Variants in PIEZO1 observed in about 807,000 individuals in gnomAD.
PIEZO1 encodes the protein piezo type mechanosensitive ion channel component 1 (Er blood group).
Under a neutral mutation model 297.2 loss-of-function variants are expected in PIEZO1, and 296 were observed. The ratio of observed to expected loss-of-function variants is 1.00; its 90% CI spans 0.91 to 1.10. The LOEUF (loss-of-function observed/expected upper bound fraction) is 1.10. PIEZO1 is among the 50% of genes least tolerant of loss of function. The pLI is 0.00. For missense variants in PIEZO1, 5,018 were observed against 3,455.5 expected, an observed-to-expected ratio of 1.45 and a Z score of -11.34; for synonymous variants, 2,427 against 1,507.5, an observed-to-expected ratio of 1.61 and a Z score of -14.13.
Position 88,731,885 on chromosome 16 carries a change from A to T in PIEZO1, c.3017T>A (p.Val1006Glu), listed in dbSNP as rs1436764571. 3 of 623,336 alleles carry T rather than the reference A, an allele frequency of 4.8e-6. No individual in the cohort carries two copies. The highest frequency in any genetic ancestry group is 5.8e-6 in the Non-Finnish European group (3 of 514,158). 38.6% of individuals were successfully genotyped at this position (623,336 alleles called of 1,614,324 possible). A position where few individuals can be genotyped will look rare whatever the true frequency, so the allele number is the denominator to read the frequency against. The change falls in exon 22 of 51, where the codon GTG (valine) becomes GAG (glutamate). Residue 1006 changes from valine (V) to glutamate (E), a missense_variant. Physicochemically the swap from Val to Glu is moderately radical, Grantham distance 121. Coordinates refer to ENST00000301015, the MANE Select transcript of PIEZO1 (RefSeq NM_001142864.4). ...LEICFLMAVN[V>E]IGQRMNFLVT... ...CAGAAAGTTCATGCGCTGCCCGATCACGTTCACGGCCATCAGGAAGCAGAT... is the reference window on the plus strand; with the variant it reads ...CAGAAAGTTCATGCGCTGCCCGATCTCGTTCACGGCCATCAGGAAGCAGAT...
In PIEZO1 at chr16:88,723,258, G is replaced by C. The variant is rs1567663475; in HGVS notation, c.4406C>G (p.Ala1469Gly). The C allele has an allele frequency of 6.5e-7, 1 of 1,544,484 alleles. No individual in the cohort carries two copies. The highest frequency in any genetic ancestry group is 1.2e-5 in the South Asian group (1 of 84,058). ...LRRRQQEQEQ[A>G]RQEQAGQLPT... ...TAGCTGTCCTGCCTGTTCCTGCCTT[G>C]CCTGCTCCTGCTCCTGCTGCCGCCG... The change falls in exon 32 of 51, where the codon GCA (alanine) becomes GGA (glycine). Residue 1469 changes from alanine to glycine, a missense_variant. Transcript: ENST00000301015.
rs958476496 is a variant in PIEZO1 at position 88,716,745 on chromosome 16, A to G, written c.6754-14T>C. On this transcript the variant is annotated splice_polypyrimidine_tract_variant and intron_variant, in intron 46 of 50. Transcript: ENST00000301015. Reference sequence around the variant, plus strand: ...CTGCATGGCCAGCTGGGTACAAGTGACACCCTCAGTGACTGCAGCCGCCTC... The same window carrying G: ...CTGCATGGCCAGCTGGGTACAAGTGGCACCCTCAGTGACTGCAGCCGCCTC... 3.6e-5 allele frequency: 56 copies of G among 1,548,210 alleles called. No individual in the cohort carries two copies. The highest frequency in any genetic ancestry group is 4.5e-5 in the Non-Finnish European group (52 of 1,146,820).
intron 44 of PIEZO1, 135 bp downstream of exon 44, chr16:88,719,439 C>G: frequency 1.3e-6 from 1 of 765,538 alleles, no homozygotes. Flanking sequence ...TGGGTGGGCT[C>G]GCCTCATGTC....
chr16:88,717,235 T>A, intron 44 of PIEZO1, 24 bp from the exon 45 acceptor site: 1 of 1,539,778 alleles, frequency 6.5e-7, no homozygotes, highest in Non-Finnish European at 8.7e-7. Flanking sequence ...ACACAGGTCA[T>A]ACGCTCAGCT....
chr16:88,720,893 G>A (rs565626381), intron 39 of PIEZO1, 145 bp from the exon 40 acceptor site: 1 of 1,041,396 alleles, frequency 9.6e-7, no homozygotes, highest in Non-Finnish European at 1.3e-6. Flanking sequence ...CACTGGCAAG[G>A]AGACAGCTGG....
chr16:88,762,294 C>T (rs564758652), intron 1 of PIEZO1, among the ~76,000 whole-genome samples: 31 of 152,178 alleles, frequency 2.0e-4, no homozygotes, highest in African/African-American at 5.1e-4. Flanking sequence ...CTCAGAGGGG[C>T]GGTGACAAAG....
chr16:88,755,598 G>A (rs980486766), intron 1 of PIEZO1, among the ~76,000 whole-genome samples: 2 of 152,234 alleles, frequency 1.3e-5, no homozygotes, highest in South Asian at 2.1e-4. Flanking sequence ...GTAAATAGGC[G>A]GGTACCAACA....
chr16:88,756,851 C>T (rs1183797143), intron 1 of PIEZO1, among the ~76,000 whole-genome samples: 1 of 151,986 alleles, frequency 6.6e-6, no homozygotes, highest in Non-Finnish European at 1.5e-5. Flanking sequence ...CCGAGGCGGG[C>T]AGATCAGAAG....
In PIEZO1 at chr16:88,731,899, C is replaced by G. The variant is rs1904841846; in HGVS notation, c.3003G>C (p.Leu1001=). The G allele has an allele frequency of 1.3e-6, 1 of 745,626 alleles. No homozygotes were observed. Among genetic ancestry groups the G allele is most frequent in the Non-Finnish European group, 1.6e-6 (1 of 607,382 alleles). The allele number at this position is 745,626 out of a possible 1,614,324, so 46.2% of individuals were successfully genotyped here. A position where few individuals can be genotyped will look rare whatever the true frequency, so the allele number is the denominator to read the frequency against. The change falls in exon 22 of 51, where the codon CTG becomes CTC. Residue 1001 remains leucine, a synonymous_variant. Transcript: ENST00000301015. ...FYKFGLEICF[L]MAVNVIGQRM... Reference sequence around the variant, plus strand: ...GCTGCCCGATCACGTTCACGGCCATCAGGAAGCAGATCTGGGGAGGGGAGA... The same window carrying G: ...GCTGCCCGATCACGTTCACGGCCATGAGGAAGCAGATCTGGGGAGGGGAGA...
intron 1 of PIEZO1, among the ~76,000 whole-genome samples, chr16:88,751,865 C>A (rs1906406845): frequency 1.3e-5 from 2 of 152,198 alleles, no homozygotes; most frequent in Non-Finnish European, 1.5e-5. Context: ...GCCGTCCATG[C>A]ATCCGTCAGA....
In PIEZO1 at chr16:88,721,383, A is replaced by C; in HGVS notation, c.5451T>G (p.His1817Gln). 25 of 1,549,376 alleles carry C rather than the reference A, an allele frequency of 1.6e-5. No individual in the cohort carries two copies. The highest frequency in any genetic ancestry group is 2.2e-5 in the Non-Finnish European group (25 of 1,146,756). ...CCTGCTCCTCCTCGCCGCTCTTGTCATGCTCCTTGGATGGTGAGTCCTCCT... is the reference window on the plus strand; with the variant it reads ...CCTGCTCCTCCTCGCCGCTCTTGTCCTGCTCCTTGGATGGTGAGTCCTCCT... ...DHEEDSPSKE[H>Q]DKSGEEEQGA... Residue 1817 changes from histidine (H) to glutamine (Q), a missense_variant, in exon 39 of 51, where the codon CAT becomes CAG. Physicochemically the swap from His to Gln is conservative, Grantham distance 24 (BLOSUM62 0). Coordinates refer to ENST00000301015, the MANE Select transcript of PIEZO1 (RefSeq NM_001142864.4).
Position 88,725,299 on chromosome 16 carries a change from A to G in PIEZO1, c.4162+117T>C, listed in dbSNP as rs8050515. ...CCAGACAGAGGGTGATCATGCGGACAGGACAGGCGGGCTGGGAGCCCTGTG... is the reference window on the plus strand; with the variant it reads ...CCAGACAGAGGGTGATCATGCGGACGGGACAGGCGGGCTGGGAGCCCTGTG... On this transcript the variant is annotated intron_variant, in intron 29 of 50. Transcript: ENST00000301015. The G allele has an allele frequency of 0.22, 160,594 of 722,714 alleles. 21,984 individuals carry two copies. The highest frequency in any genetic ancestry group is 0.62 in the East Asian group (21,545 of 34,600). The allele number at this position is 722,714 out of a possible 1,614,324, so 44.8% of individuals were successfully genotyped here. A position where few individuals can be genotyped will look rare whatever the true frequency, so the allele number is the denominator to read the frequency against.
In PIEZO1 at chr16:88,715,686, C is replaced by T. The variant is rs1259085871; in HGVS notation, c.7485G>A (p.Leu2495=). Residue 2495 remains leucine (L), a synonymous_variant, in exon 51 of 51, where the codon CTG becomes CTA. Transcript: ENST00000301015. ...TGAGCTTGGCGTACAACTCCTCCTCCAGCTCCAGCTCCCGAGTCTCCCGCA... is the reference window on the plus strand; with the variant it reads ...TGAGCTTGGCGTACAACTCCTCCTCTAGCTCCAGCTCCCGAGTCTCCCGCA... ...FLVRETRELE[L]EEELYAKLIF... The T allele has an allele frequency of 1.3e-6, 2 of 1,550,178 alleles. No individual in the cohort carries two copies. The highest frequency in any genetic ancestry group is 1.4e-5 in the African/African-American group (1 of 73,062).
In PIEZO1 at chr16:88,734,533, C is replaced by T. The variant is rs1905076713; in HGVS notation, c.2003G>A (p.Gly668Glu). 6.5e-7 allele frequency: 1 copy of T among 1,542,496 alleles called. No homozygotes were observed. Among genetic ancestry groups the T allele is most frequent in the Admixed American group, 2.0e-5 (1 of 50,676 alleles). ...NLTGFTDEQL[G>E]DLGLEQFSVS... is the part of the protein sequence containing the mutation. ...GCTGAACTGCTCCAGGCCCAGGTCC[C>T]CCAGCCTGTGGAGGGGCAGCATCAG... The change falls in exon 16 of 51, where the codon GGG becomes GAG. Residue 668 changes from glycine (G) to glutamate (E), a missense_variant. Physicochemically the swap from Gly to Glu is moderately conservative, Grantham distance 98. Transcript: ENST00000301015.
In PIEZO1 at chr16:88,715,676, ACTC is replaced by A. The variant is rs1468458581; in HGVS notation, c.7492_7494del (p.Glu2498del). The A allele has an allele frequency of 9.7e-6, 15 of 1,549,688 alleles. No individual in the cohort carries two copies. Among genetic ancestry groups the A allele is most frequent in the Non-Finnish European group, 1.3e-5 (15 of 1,146,834 alleles). ...TAGAGGAAGATGAGCTTGGCGTACA[ACTC>A]CTCCTCCAGCTCCAGCTCCCGAGTC... On this transcript the variant is annotated inframe_deletion, in exon 51 of 51. Transcript: ENST00000301015.
intron 1 of PIEZO1, among the ~76,000 whole-genome samples, chr16:88,775,906 T>C (rs1423738215): frequency 6.6e-6 from 1 of 152,036 alleles, no homozygotes; most frequent in Non-Finnish European, 1.5e-5. Context: ...AAGAAGGCAG[T>C]GCACACGCAG....
rs996478228 is a variant in PIEZO1, at chr16:88,774,354, G to T, written c.64+10547C>A. On this transcript the variant is annotated intron_variant, in intron 1 of 50. Coordinates refer to ENST00000301015, the MANE Select transcript of PIEZO1 (RefSeq NM_001142864.4). ...TGCGATGAGTCGAGATTGTGCCACT[G>T]CACACCAGCTTGGGCGACAGAGCGA... 3.9e-5 allele frequency among the ~76,000 whole-genome samples: 6 copies of T among 152,248 alleles called. No individual in the cohort carries two copies. The South Asian group carries it at 1.2e-3, about 32-fold the overall frequency.
At position 88,738,295 on chromosome 16, in the gene PIEZO1, G is replaced by A; in HGVS notation, c.780C>T (p.Leu260=). 1.3e-6 allele frequency: 2 copies of A among 1,535,898 alleles called. No individual in the cohort carries two copies. The highest frequency in any genetic ancestry group is 1.7e-6 in the Non-Finnish European group (2 of 1,146,846). Residue 260 remains leucine (L), a synonymous_variant, in exon 7 of 51, where the codon CTC becomes CTT. Coordinates refer to ENST00000301015, the MANE Select transcript of PIEZO1 (RefSeq NM_001142864.4). ...GCATCTGGTAGCAGTAGAGGCAGAT[G>A]AGATGGCCGGCGCCGAAGCACCCCA... ...VAVGCFGAGH[L]ICLYCYQMPL...
chr16:88,743,113 G>C (rs985817182), intron 2 of PIEZO1: 2 of 456,442 alleles, frequency 4.4e-6, no homozygotes, highest in Non-Finnish European at 8.8e-6. Flanking sequence ...TTGCCTGGCA[G>C]CCTTGTCCTG....
Sources: allele counts gnomAD v4.1 joint callset (sites outside exome capture counted in the v4.1 genomes callset), GRCh38; gene constraint gnomAD v4.1.1; transcripts MANE v1.5; gene names NCBI Gene and HGNC (gene_info 2026-07-23, HGNC 2026-07-21).